RNF182: variants seen among roughly 807,000 people sequenced by gnomAD.
RNF182 encodes the protein E3 ubiquitin-protein ligase RNF182.
RNF182 carries 15 observed loss-of-function variants against 14.4 expected under a neutral mutation model. The ratio of observed to expected loss-of-function variants is 1.04; its 90% CI spans 0.70 to 1.60. The LOEUF is 1.60. Ranked by LOEUF, RNF182 falls within the 40% of genes most tolerant of loss-of-function variation. RNF182 has a pLI of 0.00. For synonymous variants in RNF182, 128 were observed against 122.9 expected (o/e 1.04, Z -0.27); for missense variants, 268 against 294.8 (o/e 0.91, Z 0.67).
intron 1 of RNF182, among the ~76,000 whole-genome samples, chr6:13,938,080 A>C (rs1759184266): frequency 7.4e-6 from 1 of 135,882 alleles, no homozygotes; most frequent in South Asian, 2.4e-4. Flanking sequence ...CGCTCACTGC[A>C]AACTCCGCCT....
intron 1 of RNF182, among the ~76,000 whole-genome samples, chr6:13,962,492 A>C (rs1341967553): frequency 1.3e-5 from 2 of 152,222 alleles, no homozygotes; most frequent in East Asian, 3.9e-4. Context: ...GAAACTGATA[A>C]TCAAGAAGTG....
intron 1 of RNF182, among the ~76,000 whole-genome samples, chr6:13,931,806 C>T (rs909470530): frequency 2.6e-5 from 4 of 152,166 alleles, no homozygotes; most frequent in African/African-American, 7.2e-5. Flanking sequence ...CTCATGTCCC[C>T]TCCAAATTCA....
chr6:13,942,101 G>A (rs775578046), intron 1 of RNF182, among the ~76,000 whole-genome samples: 4 of 152,042 alleles, frequency 2.6e-5, no homozygotes, highest in Non-Finnish European at 4.4e-5. Flanking sequence ...GTTTCTTTCA[G>A]TACTTTAAAG....
chr6:13,944,273 C>G (rs959266690), intron 1 of RNF182, among the ~76,000 whole-genome samples: 1 of 152,118 alleles, frequency 6.6e-6, no homozygotes, highest in African/African-American at 2.4e-5. Flanking sequence ...CTAGAACCAA[C>G]AGTAAGTTAT....
chr6:13,960,656 AGTGTGT>A lies in RNF182; in HGVS notation c.-366-13522_-366-13517del, dbSNP rs745687828. 3.6e-3 allele frequency among the ~76,000 whole-genome samples: 481 copies of A among 133,204 alleles called. 3 individuals are homozygous for A. The highest frequency in any genetic ancestry group is 0.012 in the African/African-American group (424 of 36,850). The allele number at this position is 133,204 out of a possible 152,430, so 87.4% of individuals were successfully genotyped here. A position where few individuals can be genotyped will look rare whatever the true frequency, so the allele number is the denominator to read the frequency against. On this transcript the variant is annotated intron_variant, in intron 1 of 2. Coordinates refer to ENST00000488300, the MANE Select transcript of RNF182 (RefSeq NM_152737.4). Reference sequence around the variant, plus strand: ...ACTTTTTTGATGGAGGGAGAGAGAGAGTGTGTGTGTGTGTGTGTGTGTGTGTGTGTG... The same window carrying A: ...ACTTTTTTGATGGAGGGAGAGAGAGAGTGTGTGTGTGTGTGTGTGTGTGTG...
chr6:13,937,261 T>C (rs1759136001), intron 1 of RNF182, among the ~76,000 whole-genome samples: 1 of 152,240 alleles, frequency 6.6e-6, no homozygotes, highest in Non-Finnish European at 1.5e-5. Context: ...GTGTAACTAC[T>C]ACTCACATCA....
At chr6:13,935,626 T>TAGC (rs1759088998) in intron 1 of RNF182, among the ~76,000 whole-genome samples, 1 of 152,202 alleles carries the variant, frequency 6.6e-6, no homozygotes, top group Admixed American at 6.5e-5. Flanking sequence ...TCCAAAAAGA[T>TAGC]AGCACATTAG....
At position 13,977,525 on chromosome 6, in the gene RNF182, G is replaced by A. The variant is rs755389841; in HGVS notation, c.406G>A (p.Val136Met). 2 of 1,614,166 alleles carry A rather than the reference G, an allele frequency of 1.2e-6. No homozygotes were observed. The highest frequency in any genetic ancestry group is 1.7e-6 in the Non-Finnish European group (2 of 1,180,024). Reference sequence around the variant, plus strand: ...CTGCCTGGTCATAACCATCATGGAGGTGCAGAGAGAGAGCTCCCCGTCCCT... The same window carrying A: ...CTGCCTGGTCATAACCATCATGGAGATGCAGAGAGAGAGCTCCCCGTCCCT... ...SNCLVITIMEVQRESSPSLSS... is the reference protein window; with the variant it reads ...SNCLVITIMEMQRESSPSLSS... The change falls in exon 3 of 3, where the codon GTG becomes ATG. Residue 136 changes from valine (V) to methionine (M), a missense_variant. Coordinates refer to ENST00000488300, the MANE Select transcript of RNF182 (RefSeq NM_152737.4).
At chr6:13,943,037 T>C (rs564034191) in intron 1 of RNF182, among the ~76,000 whole-genome samples, 1 of 152,326 alleles carries the variant, frequency 6.6e-6, no homozygotes, top group African/African-American at 2.4e-5. Context: ...GAAATTCTTA[T>C]TTGGTAGATT....
chr6:13,971,362 T>C (rs1286792632), intron 1 of RNF182, among the ~76,000 whole-genome samples: 1 of 152,196 alleles, frequency 6.6e-6, no homozygotes, highest in Non-Finnish European at 1.5e-5. Context: ...CTTTTTCGCC[T>C]TCTGTCATGA....
chr6:13,950,497 A>AGT (rs1585037834), intron 1 of RNF182, among the ~76,000 whole-genome samples: 1 of 72,232 alleles, frequency 1.4e-5, no homozygotes, highest in East Asian at 4.3e-4. Context: ...CAAAACAGGT[A>AGT]CTTTTTTTTT....
intron 1 of RNF182, among the ~76,000 whole-genome samples, chr6:13,971,154 A>T (rs1760169002): frequency 6.6e-6 from 1 of 151,942 alleles, no homozygotes; most frequent in African/African-American, 2.4e-5. Flanking sequence ...TCCCCACCCA[A>T]ATCTCACCTT....
intron 1 of RNF182, among the ~76,000 whole-genome samples, chr6:13,970,366 T>G (rs555655821): frequency 1.1e-4 from 16 of 152,352 alleles, no homozygotes; most frequent in Admixed American, 4.6e-4. Context: ...TTTGTCTTTC[T>G]GTGCCTGGCT....
At chr6:13,971,353 T>C (rs944039156) in intron 1 of RNF182, among the ~76,000 whole-genome samples, 19 of 152,172 alleles carry the variant, frequency 1.2e-4, no homozygotes, top group Admixed American at 9.8e-4. Flanking sequence ...CCTTTGCTCC[T>C]TTTTCGCCTT....
chr6:13,946,689 G>A (rs1759449026), intron 1 of RNF182, among the ~76,000 whole-genome samples: 1 of 152,138 alleles, frequency 6.6e-6, no homozygotes, highest in African/African-American at 2.4e-5. Flanking sequence ...CCTAATTCAA[G>A]ATGGAGTCAC....
rs144181137 is a variant in RNF182 at position 13,958,326 on chromosome 6, C to T, written c.-366-15884C>T. Among the ~76,000 whole-genome samples, 827 of 152,018 alleles carry T rather than the reference C, an allele frequency of 5.4e-3. 15 individuals carry two copies. In the East Asian group the frequency reaches 0.069, roughly 13 times the overall value. On this transcript the variant is annotated intron_variant, in intron 1 of 2. Coordinates refer to ENST00000488300, the MANE Select transcript of RNF182 (RefSeq NM_152737.4). ...GCCTGAACCCGGGAGAGGGAGGTTG[C>T]AGTGAGCCGAGATTGCACCACTGCA...
chr6:13,967,218 G>A (rs888013729), intron 1 of RNF182, among the ~76,000 whole-genome samples: 3 of 152,096 alleles, frequency 2.0e-5, no homozygotes, highest in Non-Finnish European at 4.4e-5. Flanking sequence ...CAAATGCGGA[G>A]TCAATAGAAC....
At chr6:13,964,993 C>T (rs1401407512) in intron 1 of RNF182, among the ~76,000 whole-genome samples, 1 of 152,108 alleles carries the variant, frequency 6.6e-6, no homozygotes, top group Non-Finnish European at 1.5e-5. Flanking sequence ...AGACCTGAAC[C>T]CCAGTGATAT....
intron 1 of RNF182, among the ~76,000 whole-genome samples, chr6:13,941,524 C>T (rs999109032): frequency 2.6e-5 from 4 of 152,066 alleles, no homozygotes; most frequent in African/African-American, 9.7e-5. Context: ...AGTTCATTTA[C>T]ATGTAAAGTA....
Sources: gnomAD v4.1 joint callset for allele counts (sites outside exome capture counted in the v4.1 genomes callset) on GRCh38, gnomAD v4.1.1 for gene constraint, MANE v1.5 for transcripts, NCBI Gene and HGNC (gene_info 2026-07-23, HGNC 2026-07-21) for gene names.